Variants in LUC7L observed in about 807,000 individuals in gnomAD.
LUC7L encodes the protein putative RNA-binding protein Luc7-like 1.
In LUC7L, 29 loss-of-function variants were observed where a neutral mutation model predicts 51.1. The observed-to-expected ratio is 0.57, with a 90% CI of 0.42 to 0.77. The LOEUF is 0.77. Ranked by LOEUF, LUC7L falls within the 30% of genes least tolerant of loss-of-function variation. LUC7L has a pLI of 0.00. For synonymous variants in LUC7L, 181 were observed against 180.7 expected (o/e 1.00, Z -0.01); for missense variants, 403 against 511.9 (o/e 0.79, Z 2.05).
intron 4 of LUC7L, 89 bp downstream of exon 4, chr16:207,989 A>C: frequency 1.2e-6 from 1 of 840,426 alleles, no homozygotes; most frequent in Non-Finnish European, 1.9e-6. Context: ...AGCCTGGGTG[A>C]CAGAGGGAGA....
intron 6 of LUC7L, among the ~76,000 whole-genome samples, chr16:196,977 G>A (rs1225449894): frequency 1.4e-5 from 2 of 141,274 alleles, no homozygotes; most frequent in Admixed American, 7.5e-5. Flanking sequence ...GTGCAATTTC[G>A]GCTCAGTGCA....
intron 1 of LUC7L, 23 bp downstream of exon 1, chr16:229,256 C>G (rs763918949): frequency 6.5e-7 from 1 of 1,531,262 alleles, no homozygotes; most frequent in African/African-American, 1.4e-5. Flanking sequence ...CAGACCCTCG[C>G]CTGGTTGGCC....
chr16:222,166 G>T (rs1394895938), intron 2 of LUC7L, among the ~76,000 whole-genome samples: 1 of 152,024 alleles, frequency 6.6e-6, no homozygotes, highest in East Asian at 1.9e-4. Flanking sequence ...CCTAAGTATA[G>T]GACTCTATGC....
At chr16:189,762 T>C (rs1302836081) in intron 9 of LUC7L, 4 of 1,405,406 alleles carry the variant, frequency 2.8e-6, no homozygotes, top group East Asian at 5.1e-5. Context: ...GGACAGTGCC[T>C]GTGCAGCCCA....
intron 3 of LUC7L, among the ~76,000 whole-genome samples, chr16:219,906 AAC>A (rs2049918561): frequency 6.6e-6 from 1 of 152,152 alleles, no homozygotes; most frequent in African/African-American, 2.4e-5. Context: ...TAGATAAAAT[AAC>A]ACAACTACTG....
At chr16:225,882 C>T (rs1041901953) in intron 2 of LUC7L, among the ~76,000 whole-genome samples, 9 of 152,152 alleles carry the variant, frequency 5.9e-5, no homozygotes, top group Admixed American at 5.9e-4. Context: ...AGCTATGCTA[C>T]ACAGGGTCTG....
chr16:227,134 A>G, intron 2 of LUC7L, 108 bp downstream of exon 2: 1 of 811,580 alleles, frequency 1.2e-6, no homozygotes, highest in Non-Finnish European at 2.0e-6. Context: ...TAAGCCACTT[A>G]GAGAAAAAGA....
chr16:228,994 G>T, intron 1 of LUC7L: 1 of 1,435,110 alleles, frequency 7.0e-7, no homozygotes, highest in South Asian at 1.3e-5. Context: ...GCACGGAGCC[G>T]CGGCGCCCGC....
intron 5 of LUC7L, among the ~76,000 whole-genome samples, chr16:204,883 C>T (rs1481365757): frequency 6.6e-6 from 1 of 152,128 alleles, no homozygotes; most frequent in African/African-American, 2.4e-5. Context: ...TTGCACTAAA[C>T]ACGATGAAAA....
intron 7 of LUC7L, 116 bp from the exon 8 acceptor site, chr16:190,686 C>T: frequency 1.1e-6 from 1 of 898,760 alleles, no homozygotes; most frequent in Non-Finnish European, 1.8e-6. Flanking sequence ...TGGAGACCAG[C>T]CTGGACAACG....
chr16:195,407 T>C (rs545192103), intron 6 of LUC7L, among the ~76,000 whole-genome samples: 20 of 151,744 alleles, frequency 1.3e-4, no homozygotes, highest in Middle Eastern at 6.8e-3. Context: ...CACTCCACCC[T>C]GGGTGCCAGA....
At chr16:221,531 G>C (rs1264449577) in intron 2 of LUC7L, among the ~76,000 whole-genome samples, 1 of 151,958 alleles carries the variant, frequency 6.6e-6, no homozygotes, top group Non-Finnish European at 1.5e-5. Context: ...ATAAAACCCA[G>C]TCTCCACTAA....
At chr16:193,436 C>T (rs372009544) in intron 6 of LUC7L, among the ~76,000 whole-genome samples, 7 of 152,152 alleles carry the variant, frequency 4.6e-5, no homozygotes, top group African/African-American at 7.2e-5. Context: ...TGAGCCACCG[C>T]GCCCGGCCAA....
At chr16:221,083 G>A (rs975890413) in intron 2 of LUC7L, among the ~76,000 whole-genome samples, 4 of 151,330 alleles carry the variant, frequency 2.6e-5, no homozygotes, top group South Asian at 2.1e-4. Flanking sequence ...ACAGTGGCGC[G>A]ACCTCAGCTT....
intron 1 of LUC7L, chr16:228,597 GAA>G: frequency 8.4e-7 from 1 of 1,189,782 alleles, no homozygotes; most frequent in South Asian, 1.6e-5. Flanking sequence ...CAGCAGAAAA[GAA>G]AACACAAACC....
chr16:189,494 A>G lies in LUC7L; in HGVS notation c.975-155T>C, dbSNP rs115041729. 1.5e-3 allele frequency: 2,096 copies of G among 1,420,436 alleles called. 30 individuals are homozygous for G. In the African/African-American group the frequency reaches 0.027, roughly 18 times the overall value. The allele number at this position is 1,420,436 out of a possible 1,614,324, so 88.0% of individuals were successfully genotyped here. Reference sequence around the variant, plus strand: ...GAGGCCAACCAGACTTGCCCACCACATATGGAGTGTTAGATAGCCATTAAA... The same window carrying G: ...GAGGCCAACCAGACTTGCCCACCACGTATGGAGTGTTAGATAGCCATTAAA... On this transcript the variant is annotated intron_variant, in intron 9 of 9. Transcript: ENST00000293872.
intron 1 of LUC7L, chr16:229,069 CGA>C: frequency 7.1e-7 from 1 of 1,416,660 alleles, no homozygotes; most frequent in South Asian, 1.5e-5. Flanking sequence ...GCGCAGACTC[CGA>C]GAGAGGAGCC....
chr16:222,641 T>A (rs1240517390), intron 2 of LUC7L, among the ~76,000 whole-genome samples: 1 of 140,214 alleles, frequency 7.1e-6, no homozygotes, highest in Non-Finnish European at 1.5e-5. Flanking sequence ...GTCTTTTTAA[T>A]TTTTTTTTTT....
At chr16:222,130 A>T (rs1412979230) in intron 2 of LUC7L, among the ~76,000 whole-genome samples, 1 of 152,160 alleles carries the variant, frequency 6.6e-6, no homozygotes, top group Non-Finnish European at 1.5e-5. Context: ...TACAATTAGA[A>T]AACAGTGTAT....
Sources: allele counts gnomAD v4.1 joint callset (sites outside exome capture counted in the v4.1 genomes callset), GRCh38; gene constraint gnomAD v4.1.1; transcripts MANE v1.5; gene names NCBI Gene and HGNC (gene_info 2026-07-23, HGNC 2026-07-21).